The following AATF variants were observed in gnomAD, a reference collection of about 807,000 sequenced individuals.
AATF encodes protein AATF.
Under a neutral mutation model 63.7 loss-of-function variants are expected in AATF, and 48 were observed. The ratio of observed to expected loss-of-function variants is 0.75; its 90% CI spans 0.60 to 0.96. The LOEUF (loss-of-function observed/expected upper bound fraction) is 0.96, where lower values mean the gene tolerates loss of function less well. Ranked by LOEUF, AATF falls within the 40% of genes least tolerant of loss-of-function variation. The probability of loss-of-function intolerance (pLI) is 0.00; values close to 1 mark genes in which losing one functional copy is unlikely to be tolerated. For missense variants in AATF, 639 were observed against 685.7 expected (o/e 0.93, Z 0.76); for synonymous variants, 258 against 247.7 (o/e 1.04, Z -0.39).
At chr17:36,960,456 G>A (rs1353110927) in intron 4 of AATF, among the ~76,000 whole-genome samples, 2 of 152,142 alleles carry the variant, frequency 1.3e-5, no homozygotes, top group Admixed American at 6.5e-5. Flanking sequence ...TAAGTAGGCA[G>A]TACATTCACA....
At chr17:36,991,869 G>C (rs944420779) in intron 8 of AATF, among the ~76,000 whole-genome samples, 1 of 152,196 alleles carries the variant, frequency 6.6e-6, no homozygotes, top group African/African-American at 2.4e-5. Flanking sequence ...ACAGGCTTGA[G>C]CCACTGCACC....
chr17:37,046,510 C>G (rs941475496), intron 11 of AATF, among the ~76,000 whole-genome samples: 3 of 152,086 alleles, frequency 2.0e-5, no homozygotes, highest in African/African-American at 7.2e-5. Context: ...TCCCCTGACT[C>G]GCATTGCAGA....
intron 8 of AATF, chr17:36,999,977 C>T (rs1351690566): frequency 3.9e-5 from 6 of 152,116 alleles, no homozygotes; most frequent in Non-Finnish European, 8.8e-5. Flanking sequence ...CCTGTGGGAC[C>T]TTGTAGGCCA....
rs2070828477 is a variant in AATF, at chr17:36,948,981, G to A, written c.-145G>A. On this transcript the variant is annotated 5_prime_UTR_variant, in exon 1 of 12. Coordinates refer to ENST00000619387, the MANE Select transcript of AATF (RefSeq NM_012138.4). ...GCCTCCCGGAAGTGGCCGGTCCAGA[G>A]CTGTGGGGTGGCCTCCGCGCGGTCT... 1.4e-6 allele frequency: 1 copy of A among 737,702 alleles called. No homozygotes were observed. The highest frequency in any genetic ancestry group is 2.2e-6 in the Non-Finnish European group (1 of 448,376). 45.7% of individuals were successfully genotyped at this position (737,702 alleles called of 1,614,324 possible).
At chr17:37,031,469 A>G in intron 10 of AATF, 145 bp from the exon 11 acceptor site, 1 of 684,828 alleles carries the variant, frequency 1.5e-6, no homozygotes, top group Non-Finnish European at 2.7e-6. Flanking sequence ...TGACAGTGGT[A>G]AGTGCCTATG....
intron 3 of AATF, 139 bp downstream of exon 3, chr17:36,953,435 C>T (rs777639490): frequency 3.5e-4 from 495 of 1,418,580 alleles, no homozygotes; most frequent in Non-Finnish European, 3.2e-4. Context: ...ACCCAGAAGC[C>T]TAAAGCCCTA....
Position 36,949,080 on chromosome 17 carries a change from C to G in AATF, c.-46C>G. On this transcript the variant is annotated 5_prime_UTR_variant, in exon 1 of 12. Coordinates refer to ENST00000619387, the MANE Select transcript of AATF (RefSeq NM_012138.4). ...GGAGCTTCGGGGCCGGGGGTTGGGC[C>G]GCACATTTACGTGCGCGAAGCGGAG... is the stretch of plus-strand genomic sequence containing the variant. 6.7e-7 allele frequency: 1 copy of G among 1,485,476 alleles called. No homozygotes were observed. The highest frequency in any genetic ancestry group is 1.4e-5 in the African/African-American group (1 of 71,704). The allele number at this position is 1,485,476 out of a possible 1,614,324, so 92.0% of individuals were successfully genotyped here.
chr17:36,995,255 A>G (rs944881604), intron 8 of AATF, among the ~76,000 whole-genome samples: 1 of 152,192 alleles, frequency 6.6e-6, no homozygotes, highest in African/African-American at 2.4e-5. Context: ...TTCATTTGCC[A>G]TCAGGACATG....
At position 36,952,946 on chromosome 17, in the gene AATF, A is replaced by G; in HGVS notation, c.344A>G (p.Glu115Gly). The G allele has an allele frequency of 6.2e-7, 1 of 1,614,190 alleles. No individual in the cohort carries two copies. The highest frequency in any genetic ancestry group is 1.3e-5 in the African/African-American group (1 of 75,046). The change falls in exon 3 of 12, where the codon GAG becomes GGG. Residue 115 changes from glutamate (E) to glycine (G), a missense_variant. Coordinates refer to ENST00000619387, the MANE Select transcript of AATF (RefSeq NM_012138.4). The part of the protein sequence containing the change: ...GDEDSEGLGL[E>G]EYDEDDLGAA... ...GAAGATTCAGAGGGACTGGGTCTGG[A>G]GGAATATGATGAGGACGACCTGGGT...
chr17:36,980,769 C>T (rs2071117030), intron 4 of AATF, among the ~76,000 whole-genome samples: 1 of 152,072 alleles, frequency 6.6e-6, no homozygotes, highest in South Asian at 2.1e-4. Context: ...GTCCCATTGT[C>T]TCAGATTTTA....
At chr17:36,978,885 G>A (rs370868017) in intron 4 of AATF, among the ~76,000 whole-genome samples, 1 of 151,736 alleles carries the variant, frequency 6.6e-6, no homozygotes, top group East Asian at 1.9e-4. Context: ...GAGCCTTCAC[G>A]CAATTCTTTG....
At chr17:37,007,222 C>CTG (rs910475199) in intron 8 of AATF, among the ~76,000 whole-genome samples, 7 of 152,126 alleles carry the variant, frequency 4.6e-5, no homozygotes, top group South Asian at 2.1e-4. Flanking sequence ...GGGTCTCACT[C>CTG]TGTCACCCAG....
intron 4 of AATF, among the ~76,000 whole-genome samples, chr17:36,958,094 T>G (rs2070916871): frequency 6.6e-6 from 1 of 152,156 alleles, no homozygotes; most frequent in South Asian, 2.1e-4. Flanking sequence ...GGAGTAATCT[T>G]AACAAAATTA....
intron 4 of AATF, among the ~76,000 whole-genome samples, chr17:36,965,981 TATTTATTATGC>T (rs2070988648): frequency 6.6e-6 from 1 of 152,164 alleles, no homozygotes; most frequent in Admixed American, 6.5e-5. Flanking sequence ...GGTCATTTTT[TATTTATTATGC>T]TAAACATTTA....
chr17:36,982,894 G>A (rs189402967), intron 4 of AATF, among the ~76,000 whole-genome samples: 20 of 152,064 alleles, frequency 1.3e-4, no homozygotes, highest in African/African-American at 4.3e-4. Context: ...TGGACTTTCT[G>A]TCTCTATGAA....
intron 4 of AATF, among the ~76,000 whole-genome samples, chr17:36,971,277 C>T (rs144318944): frequency 1.1e-4 from 17 of 152,052 alleles, no homozygotes; most frequent in African/African-American, 4.1e-4. Flanking sequence ...GACACTTTAC[C>T]AAAGACAATA....
chr17:37,026,757 C>G (rs2071514021), intron 10 of AATF, among the ~76,000 whole-genome samples: 1 of 152,172 alleles, frequency 6.6e-6, no homozygotes, highest in South Asian at 2.1e-4. Context: ...CTTCTAATCT[C>G]TGGATCTTGA....
chr17:36,986,847 G>T, intron 5 of AATF, 116 bp downstream of exon 5: 1 of 827,864 alleles, frequency 1.2e-6, no homozygotes, highest in Non-Finnish European at 1.9e-6. Flanking sequence ...GTAAAATAGA[G>T]TCTCATATTT....
At chr17:37,053,840 T>C (rs1185085965) in intron 11 of AATF, among the ~76,000 whole-genome samples, 1 of 152,094 alleles carries the variant, frequency 6.6e-6, no homozygotes, top group Admixed American at 6.5e-5. Flanking sequence ...CACTCCAGCC[T>C]GGCGACAGAG....
Sources: allele counts gnomAD v4.1 joint callset (sites outside exome capture counted in the v4.1 genomes callset), GRCh38; gene constraint gnomAD v4.1.1; transcripts MANE v1.5; gene names NCBI Gene and HGNC (gene_info 2026-07-23, HGNC 2026-07-21).